TCF25: variants seen among roughly 807,000 people sequenced by gnomAD.
TCF25 encodes TCF25 ribosome quality control complex subunit.
Under a neutral mutation model 83.1 loss-of-function variants are expected in TCF25, and 41 were observed. That is an observed-to-expected ratio of 0.49 (90% confidence interval 0.38 to 0.64). TCF25 has a LOEUF of 0.64. Among genes scored for constraint, TCF25 ranks in the 30% least tolerant of loss-of-function variants. The pLI is 0.00. For synonymous variants in TCF25, 458 were observed against 365.0 expected (o/e 1.25, Z -2.90); for missense variants, 979 against 914.5 (o/e 1.07, Z -0.91).
chr16:89,875,820 CT>C (rs1164528945), intron 1 of TCF25, among the ~76,000 whole-genome samples: 650 of 64,840 alleles, frequency 0.01, 117 homozygotes, highest in African/African-American at 0.031. Context: ...CTGCGCCTGG[CT>C]TTTTTTTTTT....
chr16:89,877,673 C>T (rs893469168), intron 1 of TCF25, among the ~76,000 whole-genome samples: 8 of 152,032 alleles, frequency 5.3e-5, no homozygotes, highest in Admixed American at 1.3e-4. Flanking sequence ...AGTATGGACA[C>T]GATGGAGAGA....
At chr16:89,894,249 C>T (rs906303774) in intron 7 of TCF25, among the ~76,000 whole-genome samples, 35 of 151,848 alleles carry the variant, frequency 2.3e-4, no homozygotes, top group African/African-American at 7.3e-4. Context: ...CACACGGCCC[C>T]GGACGGCCCC....
At chr16:89,882,379 A>T (rs993556894) in intron 1 of TCF25, among the ~76,000 whole-genome samples, 2 of 152,014 alleles carry the variant, frequency 1.3e-5, no homozygotes, top group Non-Finnish European at 2.9e-5. Flanking sequence ...CTACAAAAAA[A>T]TTTAAAAAAT....
intron 9 of TCF25, among the ~76,000 whole-genome samples, 191 bp downstream of exon 9, chr16:89,896,274 T>C (rs1029772610): frequency 6.6e-6 from 1 of 152,192 alleles, no homozygotes; most frequent in African/African-American, 2.4e-5. Flanking sequence ...CAGGTTTACC[T>C]TTGTCTGTGG....
chr16:89,888,840 ATTTTTTT>A (rs34444102), intron 5 of TCF25, among the ~76,000 whole-genome samples: 4 of 109,902 alleles, frequency 3.6e-5, no homozygotes, highest in South Asian at 6.1e-4. Context: ...CGCCCAGCTA[ATTTTTTT>A]TTTTTTTTTT....
At chr16:89,904,625 G>A (rs142821481) in intron 13 of TCF25, 55 of 517,094 alleles carry the variant, frequency 1.1e-4, no homozygotes, top group Middle Eastern at 8.7e-4. Context: ...GAAAGTGCAC[G>A]CCTTGGGGTC....
chr16:89,893,668 C>T (rs2043600300), intron 6 of TCF25, 60 bp from the exon 7 acceptor site: 1 of 1,610,884 alleles, frequency 6.2e-7, no homozygotes, highest in Non-Finnish European at 8.5e-7. Context: ...GAGGGCTGTG[C>T]TCGGAGCTGC....
rs535763747 is a variant in TCF25 at position 89,904,190 on chromosome 16, C to G, written c.1454C>G (p.Pro485Arg). Residue 485 changes from proline to arginine, a missense_variant, in exon 13 of 18, where the codon CCC (proline) becomes CGC (arginine). Coordinates refer to ENST00000263346, the MANE Select transcript of TCF25 (RefSeq NM_014972.3). ...ASVSSHRFFG[P>R]NAEISQPPAL... is the part of the protein sequence containing the mutation. ...GTTTCCAGTCACCGCTTCTTTGGAC[C>G]CAATGCTGAAATAAGGTAAAGAGTG... The G allele has an allele frequency of 6.3e-6, 10 of 1,583,804 alleles. No homozygotes were observed. The highest frequency in any genetic ancestry group is 4.0e-5 in the African/African-American group (3 of 74,286).
At chr16:89,904,573 G>T in intron 13 of TCF25, 1 of 485,994 alleles carries the variant, frequency 2.1e-6, no homozygotes. Flanking sequence ...GTGAGACCCC[G>T]TCTCAAAAAA....
chr16:89,890,496 G>A (rs2043348113), intron 5 of TCF25: 1 of 152,216 alleles, frequency 6.6e-6, no homozygotes, highest in Non-Finnish European at 1.5e-5. Context: ...ATTGTGGGTA[G>A]ATCAAGGATG....
At chr16:89,893,909 C>T (rs902394794) in intron 7 of TCF25, 51 bp downstream of exon 7, 1 of 1,554,506 alleles carries the variant, frequency 6.4e-7, no homozygotes, top group South Asian at 1.2e-5. Context: ...GTAGCCACCA[C>T]TGCCCTGGGC....
intron 1 of TCF25, chr16:89,874,662 C>T (rs1018281229): frequency 6.6e-6 from 1 of 152,298 alleles, no homozygotes; most frequent in Non-Finnish European, 1.5e-5. Flanking sequence ...GTGACGTTTT[C>T]TCCTAAGCCC....
chr16:89,907,154 T>C (rs2044862049), intron 15 of TCF25, 89 bp from the exon 16 acceptor site: 2 of 1,302,080 alleles, frequency 1.5e-6, no homozygotes, highest in Admixed American at 1.7e-5. Context: ...ATCCAGTCCA[T>C]GCTGGAGTCG....
At chr16:89,893,237 CAA>C (rs1163728288) in intron 6 of TCF25, among the ~76,000 whole-genome samples, 1 of 152,192 alleles carries the variant, frequency 6.6e-6, no homozygotes, top group African/African-American at 2.4e-5. Context: ...CCCAGTCAGA[CAA>C]GAGGAGCCAA....
intron 1 of TCF25, among the ~76,000 whole-genome samples, chr16:89,874,132 T>C (rs1356160491): frequency 1.6e-5 from 2 of 124,606 alleles, no homozygotes; most frequent in African/African-American, 3.1e-5. Flanking sequence ...GGGGCCGTGC[T>C]GTCGGGGCGG....
At chr16:89,908,847 C>G in intron 16 of TCF25, 15 of 1,105,618 alleles carry the variant, frequency 1.4e-5, no homozygotes, top group Admixed American at 2.6e-5. Context: ...CTCGCAGCTC[C>G]CAGCTCTCTC....
At chr16:89,895,186 A>G (rs781741891) in intron 8 of TCF25, 49 bp downstream of exon 8, 137 of 1,551,446 alleles carry the variant, frequency 8.8e-5, no homozygotes, top group Middle Eastern at 5.0e-4. Flanking sequence ...GAGCACCTCA[A>G]GCTATCAAGA....
At chr16:89,900,544 G>C in intron 11 of TCF25, 91 bp from the exon 12 acceptor site, 1 of 1,426,006 alleles carries the variant, frequency 7.0e-7, no homozygotes, top group Non-Finnish European at 9.5e-7. Context: ...GCTCGGGGTA[G>C]GGCTCACTGG....
intron 7 of TCF25, among the ~76,000 whole-genome samples, chr16:89,894,701 T>C (rs2043710787): frequency 6.6e-6 from 1 of 152,250 alleles, no homozygotes; most frequent in Non-Finnish European, 1.5e-5. Flanking sequence ...TCTCACTCTG[T>C]CGCCTAAGCT....
Sources: gnomAD v4.1 joint callset for allele counts (sites outside exome capture counted in the v4.1 genomes callset) on GRCh38, gnomAD v4.1.1 for gene constraint, MANE v1.5 for transcripts, NCBI Gene and HGNC (gene_info 2026-07-23, HGNC 2026-07-21) for gene names.